Variants in PNPLA4 observed in about 807,000 individuals in gnomAD.
PNPLA4 encodes the protein patatin like domain 4, phospholipase and triacylglycerol lipase.
A neutral mutation model predicts 18.3 loss-of-function variants in PNPLA4; 15 were observed. That is an observed-to-expected ratio of 0.82 (90% confidence interval 0.55 to 1.26). The LOEUF is 1.26. Ranked by LOEUF, PNPLA4 falls within the 50% of genes most tolerant of loss-of-function variation. The pLI is 0.00. For missense variants in PNPLA4, 229 were observed against 196.8 expected (o/e 1.16, Z -0.98); for synonymous variants, 88 against 85.6 (o/e 1.03, Z -0.16).
chrX:7,925,572 T>C (rs1436465424), intron 2 of PNPLA4, among the ~76,000 whole-genome samples: 17 of 112,115 alleles, frequency 1.5e-4, no homozygotes, highest in African/African-American at 4.9e-4. Flanking sequence ...TAAGTAGCAG[T>C]GAGGTAAGAC....
chrX:7,900,900 T>G, intron 6 of PNPLA4, 83 bp from the exon 7 acceptor site: 1 of 764,993 alleles, frequency 1.3e-6, no homozygotes, highest in Non-Finnish European at 1.8e-6. Context: ...TAGGTTTTCT[T>G]ATCACAGATA....
intron 5 of PNPLA4, among the ~76,000 whole-genome samples, chrX:7,904,578 A>AG (rs1303244367): frequency 2.7e-5 from 3 of 112,476 alleles, no homozygotes; most frequent in African/African-American, 9.7e-5. Context: ...TCGGGCATAC[A>AG]GATTCCAGCA....
chrX:7,909,187 T>A (rs1166740914), intron 5 of PNPLA4, among the ~76,000 whole-genome samples: 1 of 111,968 alleles, frequency 8.9e-6, no homozygotes, highest in Non-Finnish European at 1.9e-5. Context: ...TGTCTTTACA[T>A]CTCAATTTCC....
chrX:7,923,611 T>C, intron 2 of PNPLA4, among the ~76,000 whole-genome samples: 1 of 111,972 alleles, frequency 8.9e-6, no homozygotes, highest in South Asian at 3.8e-4. Context: ...TGCCAAAGGT[T>C]TCCCTCCAAT....
chrX:7,906,575 T>C (rs1478013124), intron 5 of PNPLA4, among the ~76,000 whole-genome samples: 4 of 112,093 alleles, frequency 3.6e-5, no homozygotes, highest in Non-Finnish European at 7.5e-5. Flanking sequence ...TGCAAAAAAA[T>C]CTAAAAAGTG....
rs1262627444 is a variant in PNPLA4 at position 7,898,442 on chromosome X, G to A, written c.*2244C>T. 3 of 111,683 alleles carry A rather than the reference G, an allele frequency of 2.7e-5. No homozygotes were observed. 9.2% of individuals were successfully genotyped at this position (111,683 alleles called of 1,213,427 possible). A position where few individuals can be genotyped will look rare whatever the true frequency, so the allele number is the denominator to read the frequency against. ...AAATTTTGATCCCACAAGTGAGGCA[G>A]ATCCTGTTGTGAATGCCTGTTTTCA... is the stretch of plus-strand genomic sequence containing the variant. On this transcript the variant is annotated 3_prime_UTR_variant, in exon 7 of 7. Coordinates refer to ENST00000381042, the MANE Select transcript of PNPLA4 (RefSeq NM_004650.3).
chrX:7,903,032 T>C (rs781329152), intron 5 of PNPLA4, among the ~76,000 whole-genome samples: 1 of 111,989 alleles, frequency 8.9e-6, no homozygotes, highest in Non-Finnish European at 1.9e-5. Flanking sequence ...AGCCTTCAGA[T>C]AATATACAAA....
chrX:7,908,585 G>A (rs774338093), intron 5 of PNPLA4, among the ~76,000 whole-genome samples: 7 of 112,116 alleles, frequency 6.2e-5, no homozygotes, highest in Admixed American at 3.8e-4. Flanking sequence ...TTAGTGTTAA[G>A]CAGAGAATGG....
At chrX:7,918,937 A>T (rs1924129302) in intron 4 of PNPLA4, among the ~76,000 whole-genome samples, 1 of 112,174 alleles carries the variant, frequency 8.9e-6, no homozygotes, top group Non-Finnish European at 1.9e-5. Context: ...TCACAGTTTG[A>T]TAATCACCAT....
chrX:7,916,893 C>A (rs897015654), intron 4 of PNPLA4, among the ~76,000 whole-genome samples: 1 of 112,061 alleles, frequency 8.9e-6, no homozygotes, highest in Non-Finnish European at 1.9e-5. Flanking sequence ...AAAGGGGTCT[C>A]CCCTCTGCAG....
intron 1 of PNPLA4, among the ~76,000 whole-genome samples, chrX:7,926,368 C>T (rs774900330): frequency 8.9e-6 from 1 of 112,488 alleles, no homozygotes; most frequent in African/African-American, 3.2e-5. Context: ...AAACATTCCA[C>T]ATTTATTCGG....
rs1923469089 is a variant in PNPLA4, at chrX:7,899,760, A to G, written c.*926T>C. The G allele has an allele frequency of 9.2e-6, 1 of 109,231 alleles. No individual in the cohort carries two copies. Among genetic ancestry groups the G allele is most frequent in the African/African-American group, 3.3e-5 (1 of 29,922 alleles). 9.0% of individuals were successfully genotyped at this position (109,231 alleles called of 1,213,427 possible). A position where few individuals can be genotyped will look rare whatever the true frequency, so the allele number is the denominator to read the frequency against. On this transcript the variant is annotated 3_prime_UTR_variant, in exon 7 of 7. Coordinates refer to ENST00000381042, the MANE Select transcript of PNPLA4 (RefSeq NM_004650.3). ...AAGATGAGAGGGGATAAGCCTCTTC[A>G]AAATCTCCTAGGCTTCTGGATATCT...
chrX:7,913,450 C>T (rs1415410908), intron 4 of PNPLA4, among the ~76,000 whole-genome samples: 23 of 112,291 alleles, frequency 2.0e-4, no homozygotes, highest in Non-Finnish European at 3.9e-4. Context: ...TGTAACAGCT[C>T]CTATAGCAAC....
Position 7,922,001 on chromosome X carries a change from T to C in PNPLA4, c.275+3A>G. The C allele has an allele frequency of 8.4e-7, 1 of 1,195,363 alleles. No individual in the cohort carries two copies. Among genetic ancestry groups the C allele is most frequent in the Non-Finnish European group, 1.1e-6 (1 of 880,935 alleles). ...ACTTTTGGGCAAAATGTACTCTGTA[T>C]ACCTTAGTCGGGCCATGAAGTCATA... is the stretch of plus-strand genomic sequence containing the variant. On this transcript the variant is annotated splice_donor_region_variant and intron_variant, in intron 3 of 6. Transcript: ENST00000381042.
At chrX:7,908,726 A>G (rs1467075910) in intron 5 of PNPLA4, among the ~76,000 whole-genome samples, 1 of 112,117 alleles carries the variant, frequency 8.9e-6, no homozygotes, top group African/African-American at 3.2e-5. Context: ...TGCTTTCAGG[A>G]GACATAAGGT....
chrX:7,906,763 T>G (rs1431454478), intron 5 of PNPLA4, among the ~76,000 whole-genome samples: 4 of 111,944 alleles, frequency 3.6e-5, no homozygotes, highest in Non-Finnish European at 7.5e-5. Flanking sequence ...GACCACAGTA[T>G]CAACCTCATA....
rs763944921 is a variant in PNPLA4, at chrX:7,899,626, C to CCAGAGAGAGAGAGAGAGAGAGAGA, written c.*1059_*1060insTCTCTCTCTCTCTCTCTCTCTCTG. 33 of 46,569 alleles carry CCAGAGAGAGAGAGAGAGAGAGAGA rather than the reference C, an allele frequency of 7.1e-4. 12 individuals carry two copies. Among genetic ancestry groups the CCAGAGAGAGAGAGAGAGAGAGAGA allele is most frequent in the African/African-American group, 8.1e-4 (10 of 12,325 alleles). 3.8% of individuals were successfully genotyped at this position (46,569 alleles called of 1,213,427 possible). On this transcript the variant is annotated 3_prime_UTR_variant, in exon 7 of 7. Coordinates refer to ENST00000381042, the MANE Select transcript of PNPLA4 (RefSeq NM_004650.3). ...TAGCTAAATACTCAGAGAGGTATGG[C>CCAGAGAGAGAGAGAGAGAGAGAGA]GAGAGAGAGAGAGAGAGAGAGAGAG...
intron 5 of PNPLA4, among the ~76,000 whole-genome samples, chrX:7,909,269 A>C (rs1359087039): frequency 8.9e-6 from 1 of 111,907 alleles, no homozygotes; most frequent in Non-Finnish European, 1.9e-5. Context: ...AATAATAACA[A>C]AAGTTTTAGG....
In PNPLA4 at chrX:7,926,108, G is replaced by C; in HGVS notation, c.12C>G (p.Ile4Met). 6 of 1,207,383 alleles carry C rather than the reference G, an allele frequency of 5.0e-6. No individual in the cohort carries two copies. The highest frequency in any genetic ancestry group is 6.7e-6 in the Non-Finnish European group (6 of 892,781). The change falls in exon 2 of 7, where the codon ATC becomes ATG. Residue 4 changes from isoleucine (I) to methionine (M), a missense_variant. Coordinates refer to ENST00000381042, the MANE Select transcript of PNPLA4 (RefSeq NM_004650.3). ...ATCCACACGCTGCAAATGATAGGTT[G>C]ATGTGCTTCATTCTAGCTGTAGCAC... is the stretch of plus-strand genomic sequence containing the variant. MKH[I>M]NLSFAACGFL...
Sources: gnomAD v4.1 joint callset for allele counts (sites outside exome capture counted in the v4.1 genomes callset) on GRCh38, gnomAD v4.1.1 for gene constraint, MANE v1.5 for transcripts, NCBI Gene and HGNC (gene_info 2026-07-23, HGNC 2026-07-21) for gene names.